Variants in EIF3B observed in about 807,000 individuals in gnomAD.
EIF3B encodes the protein eukaryotic translation initiation factor 3 subunit 9.
A neutral mutation model predicts 104.6 loss-of-function variants in EIF3B; 10 were observed. The observed-to-expected ratio is 0.10, with a 90% CI of 0.06 to 0.16. The LOEUF (loss-of-function observed/expected upper bound fraction) is 0.16. EIF3B is among the 10% of genes least tolerant of loss of function. The pLI, the probability that EIF3B is intolerant of heterozygous loss-of-function variation, is 1.00. For missense variants in EIF3B, 1,014 were observed against 1,087.9 expected (o/e 0.93, Z 0.96); for synonymous variants, 542 against 417.2 (o/e 1.30, Z -3.65).
At chr7:2,379,321 TC>T in intron 17 of EIF3B, 72 bp from the exon 18 acceptor site, 3 of 1,555,002 alleles carry the variant, frequency 1.9e-6, no homozygotes, top group Non-Finnish European at 2.6e-6. Flanking sequence ...ACTCCTGCGT[TC>T]CTTCCCACTG....
Position 2,372,720 on chromosome 7 carries a change from G to C in EIF3B, c.1735G>C (p.Val579Leu). ...AWEPNGSKFAVLHGEAPRISV... is the reference protein window; with the variant it reads ...AWEPNGSKFALLHGEAPRISV... ...GGAACCAAATGGAAGTAAGTTTGCT[G>C]TGCTGCACGGAGAGGCTCCGCGGAT... Residue 579 changes from valine to leucine, a missense_variant, in exon 12 of 19, where the codon GTG becomes CTG. Val to Leu is a conservative substitution (Grantham distance 32). This residue lies in a region of EIF3B where 266 missense variants were observed against 324.0 expected (regional missense o/e 0.82). Transcript: ENST00000360876. 6.2e-7 allele frequency: 1 copy of C among 1,614,192 alleles called. No homozygotes were observed. Among genetic ancestry groups the C allele is most frequent in the Non-Finnish European group, 8.5e-7 (1 of 1,180,016 alleles).
chr7:2,368,521 C>T (rs1780151796), intron 9 of EIF3B, among the ~76,000 whole-genome samples: 2 of 152,210 alleles, frequency 1.3e-5, no homozygotes, highest in Admixed American at 1.3e-4. Context: ...CAGCATTGGG[C>T]CCGCCACCCT....
chr7:2,364,563 C>T (rs1251142310), intron 6 of EIF3B, 34 bp downstream of exon 6: 8 of 1,578,946 alleles, frequency 5.1e-6, no homozygotes, highest in African/African-American at 1.4e-5. Flanking sequence ...GGAGTCTATG[C>T]ATTTCACCCC....
chr7:2,367,309 C>G (rs1207953841), intron 9 of EIF3B, among the ~76,000 whole-genome samples: 1 of 152,042 alleles, frequency 6.6e-6, no homozygotes. Context: ...AGTCTCTCAT[C>G]TCATTCCCAA....
chr7:2,354,782 G>GC (rs1161201691), upstream of EIF3B: 9 of 825,740 alleles, frequency 1.1e-5, no homozygotes, highest in Non-Finnish European at 1.3e-5. Flanking sequence ...GCGTGGGTGC[G>GC]CCCCCCGCCC....
At chr7:2,368,826 A>G (rs559377249) in intron 9 of EIF3B, among the ~76,000 whole-genome samples, 30 of 152,382 alleles carry the variant, frequency 2.0e-4, no homozygotes, top group African/African-American at 5.3e-4. Context: ...TGAACTTCCA[A>G]CAATCCAAGG....
rs779383658 is a variant in EIF3B, at chr7:2,355,348, C to T, written c.427C>T (p.Leu143=). 1.9e-6 allele frequency: 3 copies of T among 1,540,228 alleles called. No individual in the cohort carries two copies. Among genetic ancestry groups the T allele is most frequent in the South Asian group, 2.4e-5 (2 of 84,142 alleles). ...GRAAEAEPRA[L]ENGDADEPSF... ...AGCGGCCGAGGCCGAACCCCGGGCG[C>T]TGGAGAACGGCGACGCGGACGAGCC... The change falls in exon 1 of 19, where the codon CTG becomes TTG. Residue 143 remains leucine, a synonymous_variant. Transcript: ENST00000360876.
intron 5 of EIF3B, 30 bp from the exon 6 acceptor site, chr7:2,364,342 T>G: frequency 1.3e-6 from 2 of 1,557,444 alleles, no homozygotes; most frequent in South Asian, 1.3e-5. Context: ...CATTTTGTTG[T>G]ATTAACGTTG....
chr7:2,365,766 C>G (rs1415815708), intron 6 of EIF3B, among the ~76,000 whole-genome samples: 1 of 151,542 alleles, frequency 6.6e-6, no homozygotes, highest in Admixed American at 6.6e-5. Flanking sequence ...ACCTCCACCT[C>G]CCGGGTTCAA....
chr7:2,371,750 C>T, intron 10 of EIF3B, 27 bp from the exon 11 acceptor site: 1 of 1,554,306 alleles, frequency 6.4e-7, no homozygotes, highest in Non-Finnish European at 8.9e-7. Context: ...TCCAGAATGT[C>T]ACCCCTTCCC....
chr7:2,370,412 G>A (rs1780266493), intron 10 of EIF3B, among the ~76,000 whole-genome samples: 1 of 152,030 alleles, frequency 6.6e-6, no homozygotes, highest in Admixed American at 6.5e-5. Context: ...AGGAGGCAGA[G>A]CTTGCAGTGA....
intron 1 of EIF3B, among the ~76,000 whole-genome samples, chr7:2,359,257 C>T (rs747336800): frequency 2.0e-5 from 3 of 152,102 alleles, no homozygotes; most frequent in Admixed American, 6.6e-5. Context: ...TTTTTGTAGA[C>T]GAGGACTTGA....
At chr7:2,372,639 C>G in intron 11 of EIF3B, 34 bp from the exon 12 acceptor site, 1 of 1,607,096 alleles carries the variant, frequency 6.2e-7, no homozygotes, top group South Asian at 1.1e-5. Flanking sequence ...TCTGAATTGA[C>G]CAAAAAGGGA....
rs1219255675 is a variant in EIF3B at position 2,380,728 on chromosome 7, G to T, written c.*539G>T. On this transcript the variant is annotated 3_prime_UTR_variant, in exon 19 of 19. Coordinates refer to ENST00000360876, the MANE Select transcript of EIF3B (RefSeq NM_001037283.2). Reference sequence around the variant, plus strand: ...CCGCAGGTTGAACATGGAAATAAAAGCAAACTTGTATGAAAAACCGGTCTT... The same window carrying T: ...CCGCAGGTTGAACATGGAAATAAAATCAAACTTGTATGAAAAACCGGTCTT... 1 of 186,498 alleles carries T rather than the reference G, an allele frequency of 5.4e-6. No homozygotes were observed. The highest frequency in any genetic ancestry group is 1.1e-5 in the Non-Finnish European group (1 of 87,934). The allele number at this position is 186,498 out of a possible 1,614,324, so 11.6% of individuals were successfully genotyped here. A position where few individuals can be genotyped will look rare whatever the true frequency, so the allele number is the denominator to read the frequency against.
chr7:2,354,157 G>C (rs1002999338), upstream of EIF3B: 3 of 152,336 alleles, frequency 2.0e-5, no homozygotes, highest in African/African-American at 7.2e-5. Flanking sequence ...CCCGAATGGG[G>C]GGAAACAGGC....
At chr7:2,368,334 C>T (rs1011817095) in intron 9 of EIF3B, among the ~76,000 whole-genome samples, 9 of 151,454 alleles carry the variant, frequency 5.9e-5, no homozygotes, top group African/African-American at 1.9e-4. Context: ...TTAGAAGAGT[C>T]GGGGTTTCAC....
At chr7:2,371,872 T>G (rs966411283) in intron 11 of EIF3B, 23 bp downstream of exon 11, 79 of 1,587,714 alleles carry the variant, frequency 5.0e-5, no homozygotes, top group Non-Finnish European at 6.4e-5. Flanking sequence ...TTAGTCACTT[T>G]GAGGCGAATG....
chr7:2,358,848 G>A (rs769377502), intron 1 of EIF3B, among the ~76,000 whole-genome samples: 1 of 152,140 alleles, frequency 6.6e-6, no homozygotes, highest in Non-Finnish European at 1.5e-5. Flanking sequence ...ATTCTGACAC[G>A]TGATGCTTTC....
intron 2 of EIF3B, among the ~76,000 whole-genome samples, chr7:2,362,263 AT>A (rs534695652): frequency 1.3e-5 from 2 of 151,778 alleles, no homozygotes; most frequent in Non-Finnish European, 2.9e-5. Flanking sequence ...CCCAGCCAAG[AT>A]TTTTTTTTAA....
Sources: allele counts gnomAD v4.1 joint callset (sites outside exome capture counted in the v4.1 genomes callset), GRCh38; gene constraint gnomAD v4.1.1; regional missense constraint gnomAD v4.1.1; transcripts MANE v1.5; gene names NCBI Gene and HGNC (gene_info 2026-07-23, HGNC 2026-07-21).